LTBP1: variants seen among roughly 807,000 people sequenced by gnomAD.
LTBP1 encodes the protein latent-transforming growth factor beta-binding protein 1.
A neutral mutation model predicts 207.6 loss-of-function variants in LTBP1; 129 were observed. The ratio of observed to expected loss-of-function variants is 0.62; its 90% CI spans 0.54 to 0.72. The LOEUF is 0.72. LTBP1 is among the 30% of genes least tolerant of loss of function. The probability of loss-of-function intolerance (pLI) is 0.00; values close to 1 mark genes in which losing one functional copy is unlikely to be tolerated. For missense variants in LTBP1, 2,281 were observed against 2,217.2 expected (o/e 1.03, Z -0.58); for synonymous variants, 963 against 833.7 (o/e 1.16, Z -2.67).
chr2:33,354,724 A>C (rs1026843567), intron 26 of LTBP1, among the ~76,000 whole-genome samples: 11 of 131,932 alleles, frequency 8.3e-5, no homozygotes, highest in African/African-American at 3.4e-4. Flanking sequence ...ACACACACAC[A>C]CACACCATTG....
chr2:33,246,433 C>G (rs923780012), intron 10 of LTBP1, among the ~76,000 whole-genome samples: 5 of 151,804 alleles, frequency 3.3e-5, no homozygotes, highest in African/African-American at 4.8e-5. Context: ...TTTTGGTAGT[C>G]ACAGGGAAAT....
intron 31 of LTBP1, among the ~76,000 whole-genome samples, chr2:33,384,230 A>G (rs2095246302): frequency 6.6e-6 from 1 of 152,242 alleles, no homozygotes; most frequent in Non-Finnish European, 1.5e-5. Flanking sequence ...ATGAAAAGCA[A>G]CAGCATTTGT....
intron 2 of LTBP1, among the ~76,000 whole-genome samples, chr2:32,984,090 T>C (rs1683173546): frequency 6.6e-6 from 1 of 152,220 alleles, no homozygotes; most frequent in Non-Finnish European, 1.5e-5. Context: ...TTTGGAGCAC[T>C]CAAGGGAGGT....
intron 18 of LTBP1, among the ~76,000 whole-genome samples, chr2:33,278,778 G>A (rs1237982393): frequency 6.6e-6 from 1 of 152,038 alleles, no homozygotes; most frequent in Non-Finnish European, 1.5e-5. Flanking sequence ...AAACTGGCAA[G>A]CACCATCTTT....
chr2:33,128,576 G>GA (rs1470771701), intron 4 of LTBP1, among the ~76,000 whole-genome samples: 16 of 152,170 alleles, frequency 1.1e-4, no homozygotes, highest in African/African-American at 3.6e-4. Flanking sequence ...TTTCATTTCT[G>GA]AAAAAATGTA....
intron 18 of LTBP1, among the ~76,000 whole-genome samples, chr2:33,278,026 G>T (rs2093481858): frequency 6.6e-6 from 1 of 150,956 alleles, no homozygotes. Flanking sequence ...TAGAGACAGG[G>T]TGTCACCGTG....
At position 33,114,967 on chromosome 2, in the gene LTBP1, G is replaced by T. The variant is rs191872031; in HGVS notation, c.1033+4216G>T. Among the ~76,000 whole-genome samples the T allele has an allele frequency of 2.7e-4, 41 of 151,510 alleles. No individual in the cohort carries two copies. In the East Asian group the frequency reaches 7.4e-3, roughly 27 times the overall value. ...ATGAATGTTCATAGCAACATTATTT[G>T]TAATAGCCAAGAGAGTGGGAACAAC... On this transcript the variant is annotated intron_variant, in intron 4 of 33. Coordinates refer to ENST00000404816, the MANE Select transcript of LTBP1 (RefSeq NM_206943.4).
Position 33,389,301 on chromosome 2 carries a change from A to T in LTBP1, c.4829A>T (p.Gln1610Leu). The T allele has an allele frequency of 6.2e-7, 1 of 1,614,166 alleles. No individual in the cohort carries two copies. Among genetic ancestry groups the T allele is most frequent in the Non-Finnish European group, 8.5e-7 (1 of 1,180,020 alleles). ...YTPEADPYFIQDRFLNSFEEL... is the reference protein window; with the variant it reads ...YTPEADPYFILDRFLNSFEEL... ...CCAGAAGCCGATCCCTACTTCATCC[A>T]AGACCGTAAGCAAAATAACCTTGTT... is the stretch of plus-strand genomic sequence containing the variant. Residue 1610 changes from glutamine to leucine, a missense_variant, in exon 32 of 34, where the codon CAA (glutamine) becomes CTA (leucine). Transcript: ENST00000404816.
chr2:33,172,345 G>C (rs1309735052), intron 5 of LTBP1, among the ~76,000 whole-genome samples: 3 of 151,978 alleles, frequency 2.0e-5, no homozygotes, highest in African/African-American at 7.2e-5. Flanking sequence ...AAAGGCAGGG[G>C]TTGCAATCCT....
intron 5 of LTBP1, among the ~76,000 whole-genome samples, chr2:33,135,478 G>A (rs1323963142): frequency 2.6e-5 from 4 of 152,164 alleles, no homozygotes; most frequent in Non-Finnish European, 5.9e-5. Flanking sequence ...CTTTTGCCAC[G>A]TTTCTGCTCC....
At chr2:33,010,430 GAAGA>G (rs1687516255) in intron 2 of LTBP1, among the ~76,000 whole-genome samples, 1 of 152,186 alleles carries the variant, frequency 6.6e-6, no homozygotes, top group African/African-American at 2.4e-5. Flanking sequence ...CAGTTAGATA[GAAGA>G]AAGAAATTCT....
intron 26 of LTBP1, among the ~76,000 whole-genome samples, chr2:33,352,894 A>G (rs761629338): frequency 6.6e-6 from 1 of 150,832 alleles, no homozygotes; most frequent in Non-Finnish European, 1.5e-5. Context: ...ACCCCAAACA[A>G]TTACGCTTTC....
intron 5 of LTBP1, among the ~76,000 whole-genome samples, chr2:33,167,922 A>G (rs2085071748): frequency 6.6e-6 from 1 of 152,188 alleles, no homozygotes; most frequent in Non-Finnish European, 1.5e-5. Context: ...CAGGAAATTG[A>G]TGGGTGTGGT....
At chr2:33,177,668 A>G (rs1042756123) in intron 5 of LTBP1, among the ~76,000 whole-genome samples, 3 of 152,176 alleles carry the variant, frequency 2.0e-5, no homozygotes, top group Admixed American at 6.5e-5. Context: ...ACCTTGTCTC[A>G]AAGAAAGAAA....
chr2:33,379,457 C>T (rs1002978938), intron 31 of LTBP1, among the ~76,000 whole-genome samples: 1 of 152,166 alleles, frequency 6.6e-6, no homozygotes, highest in Non-Finnish European at 1.5e-5. Flanking sequence ...GATCCACCCA[C>T]CTCGGCCTCC....
intron 7 of LTBP1, among the ~76,000 whole-genome samples, chr2:33,205,204 A>G (rs1225853516): frequency 6.6e-6 from 1 of 152,224 alleles, no homozygotes; most frequent in Non-Finnish European, 1.5e-5. Flanking sequence ...GTTTCTCTGA[A>G]AAGCTTTTTA....
chr2:33,116,779 A>G (rs1209928562), intron 4 of LTBP1, among the ~76,000 whole-genome samples: 1 of 151,766 alleles, frequency 6.6e-6, no homozygotes, highest in Non-Finnish European at 1.5e-5. Flanking sequence ...CAGTACCATT[A>G]AATTGCAAAA....
intron 3 of LTBP1, among the ~76,000 whole-genome samples, chr2:33,077,625 A>G (rs965081411): frequency 4.6e-5 from 7 of 151,914 alleles, no homozygotes; most frequent in Non-Finnish European, 7.4e-5. Context: ...TGAAGAGTCC[A>G]CCCCCATGAT....
chr2:33,152,396 A>T (rs1224881448), intron 5 of LTBP1, among the ~76,000 whole-genome samples: 1 of 152,166 alleles, frequency 6.6e-6, no homozygotes, highest in Non-Finnish European at 1.5e-5. Context: ...GAATGACCAT[A>T]ATTAAAAAAT....
Sources: gnomAD v4.1 joint callset for allele counts (sites outside exome capture counted in the v4.1 genomes callset) on GRCh38, gnomAD v4.1.1 for gene constraint, MANE v1.5 for transcripts, NCBI Gene and HGNC (gene_info 2026-07-23, HGNC 2026-07-21) for gene names.